The following KIFC1 variants were observed in gnomAD, a reference collection of about 807,000 sequenced individuals.
The protein encoded by KIFC1 is kinesin family member C1.
A neutral mutation model predicts 66.6 loss-of-function variants in KIFC1; 37 were observed. The ratio of observed to expected loss-of-function variants is 0.56; its 90% confidence interval spans 0.43 to 0.73. The LOEUF is 0.73. KIFC1 is among the 30% of genes least tolerant of loss of function. The probability of loss-of-function intolerance (pLI) is 0.00; values close to 1 mark genes in which losing one functional copy is unlikely to be tolerated. For missense variants in KIFC1, 721 were observed against 859.8 expected, an observed-to-expected ratio of 0.84 and a Z score of 2.02; for synonymous variants, 325 against 343.5, an observed-to-expected ratio of 0.95 and a Z score of 0.60.
rs151153920 is a variant in KIFC1 at position 33,398,205 on chromosome 6, G to A, written c.150+39G>A. On this transcript the variant is annotated intron_variant, in intron 2 of 10. Transcript: ENST00000428849. ...GGAGAGCTGTGCATGTGTGTGGGGG[G>A]TGTGTGTGTGTGAAAGAAAGGAGAG... 543 of 1,602,120 alleles carry A rather than the reference G, an allele frequency of 3.4e-4. 1 individual carries two copies. The East Asian group carries it at 0.011, about 34-fold the overall frequency.
chr6:33,396,436 C>CTTTTTTTTTTT (rs199749552), intron 1 of KIFC1, among the ~76,000 whole-genome samples: 52 of 116,254 alleles, frequency 4.5e-4, no homozygotes, highest in African/African-American at 1.4e-3. Context: ...CTTTTCTTTT[C>CTTTTTTTTTTT]TTTTTTTTTT....
chr6:33,391,851 G>A lies in KIFC1; in HGVS notation c.-135G>A. ...ATTCAAAAGTGGCGGGTGTGGCGCG[G>A]GGCTGGTAGCGGCCGGAGCCGTGCG... On this transcript the variant is annotated 5_prime_UTR_variant, in exon 1 of 11. Coordinates refer to ENST00000428849, the MANE Select transcript of KIFC1 (RefSeq NM_002263.4). 1 of 1,035,862 alleles carries A rather than the reference G, an allele frequency of 9.7e-7. No homozygotes were observed. The highest frequency in any genetic ancestry group is 1.5e-6 in the Non-Finnish European group (1 of 689,092). 64.2% of individuals were successfully genotyped at this position (1,035,862 alleles called of 1,614,324 possible). A position where few individuals can be genotyped will look rare whatever the true frequency, so the allele number is the denominator to read the frequency against.
In KIFC1 at chr6:33,405,654, A is replaced by G; in HGVS notation, c.1536+23A>G. 1.3e-6 allele frequency: 2 copies of G among 1,481,828 alleles called. No individual in the cohort carries two copies. Among genetic ancestry groups the G allele is most frequent in the Non-Finnish European group, 1.8e-6 (2 of 1,119,922 alleles). The allele number at this position is 1,481,828 out of a possible 1,614,324, so 91.8% of individuals were successfully genotyped here. ...GAAGTGAGGACCCATGGGCACTGGA[A>G]CTGGGAAATGGGGAGGAGTGGGCAG... On this transcript the variant is annotated intron_variant, in intron 7 of 10. Coordinates refer to ENST00000428849, the MANE Select transcript of KIFC1 (RefSeq NM_002263.4). The surrounding 1 kb of genome is among the most constrained non-coding windows in gnomAD (Gnocchi z 5.4).
At position 33,401,458 on chromosome 6, in the gene KIFC1, T is replaced by C. The variant is rs1775369364; in HGVS notation, c.251-1856T>C. 6.6e-6 allele frequency among the ~76,000 whole-genome samples: 1 copy of C among 152,110 alleles called. No homozygotes were observed. The highest frequency in any genetic ancestry group is 2.4e-5 in the African/African-American group (1 of 41,414). Reference sequence around the variant, plus strand: ...CTGAAATTCTTTTTTTAATTTAAAATTTTATTTATTTGTATTTTTTCCAAG... The same window carrying C: ...CTGAAATTCTTTTTTTAATTTAAAACTTTATTTATTTGTATTTTTTCCAAG... On this transcript the variant is annotated intron_variant, in intron 3 of 10. Transcript: ENST00000428849. This position sits in a 1 kb window ranked among gnomAD's most constrained non-coding sequence, Gnocchi z 4.5.
Position 33,406,885 on chromosome 6 carries a change from C to T in KIFC1, c.1977+10C>T. Reference sequence around the variant, plus strand: ...ACGCTTTGCCTCCAAGGTGCGATTACCACCCGTCAGCCTTGTCAGGACCCG... The same window carrying T: ...ACGCTTTGCCTCCAAGGTGCGATTATCACCCGTCAGCCTTGTCAGGACCCG... On this transcript the variant is annotated intron_variant, in intron 10 of 10. Coordinates refer to ENST00000428849, the MANE Select transcript of KIFC1 (RefSeq NM_002263.4). This position sits in a 1 kb window ranked among gnomAD's most constrained non-coding sequence, Gnocchi z 4.5. The T allele has an allele frequency of 1.2e-6, 2 of 1,614,112 alleles. No homozygotes were observed. The highest frequency in any genetic ancestry group is 1.7e-6 in the Non-Finnish European group (2 of 1,180,004).
At chr6:33,395,948 C>G (rs926134260) in intron 1 of KIFC1, among the ~76,000 whole-genome samples, 1 of 152,022 alleles carries the variant, frequency 6.6e-6, no homozygotes, top group African/African-American at 2.4e-5. Context: ...TAAGTATTGC[C>G]CCACTGATGA....
At position 33,406,727 on chromosome 6, in the gene KIFC1, AG is replaced by A; in HGVS notation, c.1901+66del. 1 of 1,611,688 alleles carries A rather than the reference AG, an allele frequency of 6.2e-7. No homozygotes were observed. The highest frequency in any genetic ancestry group is 8.5e-7 in the Non-Finnish European group (1 of 1,177,818). ...AACTGTGTTGGGGTGAGGGGTAGAA[AG>A]GGGAACAGTGGAGACCTGTCCAGGC... On this transcript the variant is annotated intron_variant, in intron 9 of 10. Coordinates refer to ENST00000428849, the MANE Select transcript of KIFC1 (RefSeq NM_002263.4). This position sits in a 1 kb window ranked among gnomAD's most constrained non-coding sequence, Gnocchi z 4.5.
In KIFC1 at chr6:33,401,355, C is replaced by T. The variant is rs926422889; in HGVS notation, c.251-1959C>T. ...TTCACCGTATTAGTCAGGATGGTCT[C>T]GATCTCCTGACCTCGTGATCCGCCC... On this transcript the variant is annotated intron_variant, in intron 3 of 10. Transcript: ENST00000428849. The surrounding 1 kb of genome is among the most constrained non-coding windows in gnomAD (Gnocchi z 4.5). Among the ~76,000 whole-genome samples the T allele has an allele frequency of 2.1e-4, 32 of 151,820 alleles. No individual in the cohort carries two copies. The highest frequency in any genetic ancestry group is 7.5e-4 in the African/African-American group (31 of 41,318).
In KIFC1 at chr6:33,400,322, C is replaced by G; in HGVS notation, c.250+1935C>G. On this transcript the variant is annotated intron_variant, in intron 3 of 10. Coordinates refer to ENST00000428849, the MANE Select transcript of KIFC1 (RefSeq NM_002263.4). The surrounding 1 kb of genome is among the most constrained non-coding windows in gnomAD (Gnocchi z 4.3). ...TTCTTGAGGGCTTTGATGATCGGGG[C>G]AGAGGCAGAAGGCACCACCTCAATC... is the stretch of plus-strand genomic sequence containing the variant. 6.3e-7 allele frequency: 1 copy of G among 1,584,168 alleles called. No homozygotes were observed. Among genetic ancestry groups the G allele is most frequent in the Non-Finnish European group, 8.6e-7 (1 of 1,166,488 alleles).
chr6:33,399,940 A>G (rs1775291554), intron 3 of KIFC1: 2 of 570,324 alleles, frequency 3.5e-6, no homozygotes, highest in Admixed American at 3.2e-5. Flanking sequence ...ATTTTACTTT[A>G]TAAACTTAAC....
chr6:33,400,792 G>A lies in KIFC1; in HGVS notation c.250+2405G>A, dbSNP rs1190706175. Among the ~76,000 whole-genome samples, 3 of 152,066 alleles carry A rather than the reference G, an allele frequency of 2.0e-5. No homozygotes were observed. The highest frequency in any genetic ancestry group is 2.9e-5 in the Non-Finnish European group (2 of 68,010). The stretch of plus-strand genomic sequence containing the variant: ...CTTCCGCGTAGCTGGGACTACAGGC[G>A]CCCTCCACCACACTTGGCTAATTTT... On this transcript the variant is annotated intron_variant, in intron 3 of 10. Coordinates refer to ENST00000428849, the MANE Select transcript of KIFC1 (RefSeq NM_002263.4). The surrounding 1 kb of genome is among the most constrained non-coding windows in gnomAD (Gnocchi z 4.3).
rs751614369 is a variant in KIFC1 at position 33,406,251 on chromosome 6, A to G, written c.1592A>G (p.Gln531Arg). Residue 531 changes from glutamine (Q) to arginine (R), a missense_variant, in exon 8 of 11, where the codon CAG becomes CGG. By Grantham distance (43) the Gln-to-Arg change is conservative (BLOSUM62 1). Coordinates refer to ENST00000428849, the MANE Select transcript of KIFC1 (RefSeq NM_002263.4). The surrounding 1 kb of genome is among the most constrained non-coding windows in gnomAD (Gnocchi z 4.5). ...AATCGGGCTGTGGCCCGCACAGCCC[A>G]GAATGAACGGTCATCACGCAGCCAC... ...RQNRAVARTA[Q>R]NERSSRSHSV... 1.9e-6 allele frequency: 3 copies of G among 1,613,996 alleles called. No homozygotes were observed. The highest frequency in any genetic ancestry group is 1.1e-5 in the South Asian group (1 of 91,076).
chr6:33,393,434 CTTTTT>C (rs71536188), intron 1 of KIFC1, among the ~76,000 whole-genome samples: 3 of 82,514 alleles, frequency 3.6e-5, no homozygotes, highest in Admixed American at 1.5e-4. Context: ...GCACCATTGC[CTTTTT>C]TTTTTTTTTT....
rs75589364 is a variant in KIFC1 at position 33,406,104 on chromosome 6, A to G, written c.1537-92A>G. On this transcript the variant is annotated intron_variant, in intron 7 of 10. Coordinates refer to ENST00000428849, the MANE Select transcript of KIFC1 (RefSeq NM_002263.4). The surrounding 1 kb of genome is among the most constrained non-coding windows in gnomAD (Gnocchi z 4.5). ...TTTCTTGACAGGCTAGAAAGCTTCA[A>G]GAGGGTGGGGGTGGGCTCTTATTCA... The G allele has an allele frequency of 0.058, 69,398 of 1,206,736 alleles. 2,333 individuals are homozygous for G. The highest frequency in any genetic ancestry group is 0.087 in the Middle Eastern group (418 of 4,820). 74.8% of individuals were successfully genotyped at this position (1,206,736 alleles called of 1,614,324 possible). A position where few individuals can be genotyped will look rare whatever the true frequency, so the allele number is the denominator to read the frequency against.
upstream of KIFC1, chr6:33,391,800 G>C: frequency 2.8e-6 from 2 of 708,744 alleles, no homozygotes; most frequent in Non-Finnish European, 5.0e-6. Flanking sequence ...TGCAGAGCGC[G>C]GTGAGAGTGG....
At chr6:33,398,529 A>G (rs752785421) in intron 3 of KIFC1, 142 bp downstream of exon 3, 31 of 679,436 alleles carry the variant, frequency 4.6e-5, no homozygotes, top group African/African-American at 2.4e-4. Context: ...CAGTGGCTCA[A>G]TCTCACTCAC....
At position 33,404,776 on chromosome 6, in the gene KIFC1, T is replaced by C; in HGVS notation, c.757-76T>C. On this transcript the variant is annotated intron_variant, in intron 6 of 10. Coordinates refer to ENST00000428849, the MANE Select transcript of KIFC1 (RefSeq NM_002263.4). This position sits in a 1 kb window ranked among gnomAD's most constrained non-coding sequence, Gnocchi z 4.0. ...GAGCAGGGACCTCACTTCCACCCAC[T>C]CCATACGCCCCACAGTTTGTTCTTC... 1 of 1,411,324 alleles carries C rather than the reference T, an allele frequency of 7.1e-7. No individual in the cohort carries two copies. Among genetic ancestry groups the C allele is most frequent in the Non-Finnish European group, 9.6e-7 (1 of 1,036,558 alleles). 87.4% of individuals were successfully genotyped at this position (1,411,324 alleles called of 1,614,324 possible). A position where few individuals can be genotyped will look rare whatever the true frequency, so the allele number is the denominator to read the frequency against.
chr6:33,401,516 T>C lies in KIFC1; in HGVS notation c.251-1798T>C, dbSNP rs1450088419. Reference sequence around the variant, plus strand: ...CTTAAATTTGAAAAATTTTAAATATTATTTTGCTTTTCAAACTTTTTGTTA... The same window carrying C: ...CTTAAATTTGAAAAATTTTAAATATCATTTTGCTTTTCAAACTTTTTGTTA... On this transcript the variant is annotated intron_variant, in intron 3 of 10. Transcript: ENST00000428849. The surrounding 1 kb of genome is among the most constrained non-coding windows in gnomAD (Gnocchi z 4.5). 6.6e-6 allele frequency among the ~76,000 whole-genome samples: 1 copy of C among 152,194 alleles called. No homozygotes were observed. The highest frequency in any genetic ancestry group is 1.5e-5 in the Non-Finnish European group (1 of 68,042).
chr6:33,406,419 G>C lies in KIFC1; in HGVS notation c.1760G>C (p.Arg587Pro), dbSNP rs373354333. The C allele has an allele frequency of 6.2e-7, 1 of 1,606,782 alleles. No individual in the cohort carries two copies. Among genetic ancestry groups the C allele is most frequent in the Non-Finnish European group, 8.5e-7 (1 of 1,175,016 alleles). ...ALGPGERERL[R>P]ETQAINSSLS... ...GGCCCCGGGGAGCGGGAACGCCTTC[G>C]GGAAACACAGGCCATTAACAGCAGC... The change falls in exon 8 of 11, where the codon CGG (arginine) becomes CCG (proline). Residue 587 changes from arginine (R) to proline (P), a missense_variant. Physicochemically the swap from Arg to Pro is moderately radical, Grantham distance 103. Coordinates refer to ENST00000428849, the MANE Select transcript of KIFC1 (RefSeq NM_002263.4). This position sits in a 1 kb window ranked among gnomAD's most constrained non-coding sequence, Gnocchi z 4.5.
Sources: gnomAD v4.1 joint callset for allele counts (sites outside exome capture counted in the v4.1 genomes callset) on GRCh38, gnomAD v4.1.1 for gene constraint, Gnocchi (gnomAD v3.1) non-coding constraint, MANE v1.5 for transcripts, NCBI Gene and HGNC (gene_info 2026-07-23, HGNC 2026-07-21) for gene names.